The following SLC25A13 variants were observed in gnomAD, a reference collection of about 807,000 sequenced individuals.
SLC25A13 encodes the protein solute carrier family 25 member 13.
SLC25A13 carries 70 observed loss-of-function variants against 85.5 expected under a neutral mutation model. That is an observed-to-expected ratio of 0.82 (90% CI 0.68 to 1.00). SLC25A13 has a LOEUF of 1.00. Ranked by LOEUF, SLC25A13 falls within the 50% of genes least tolerant of loss-of-function variation. SLC25A13 has a pLI of 0.00. For synonymous variants in SLC25A13, 259 were observed against 288.7 expected (o/e 0.90, Z 1.04); for missense variants, 765 against 819.8 (o/e 0.93, Z 0.82).
intron 11 of SLC25A13, among the ~76,000 whole-genome samples, chr7:96,173,733 C>T (rs1274842260): frequency 1.3e-5 from 2 of 152,302 alleles, no homozygotes; most frequent in Admixed American, 6.5e-5. Flanking sequence ...CAGCCCTTCA[C>T]TAAGCAACTA....
intron 13 of SLC25A13, among the ~76,000 whole-genome samples, chr7:96,156,923 T>A (rs550110593): frequency 6.6e-6 from 1 of 152,312 alleles, no homozygotes; most frequent in African/African-American, 2.4e-5. Flanking sequence ...GCAAAATAAT[T>A]ATACTGATGT....
In SLC25A13 at chr7:96,239,210, T is replaced by C. The variant is rs565840773; in HGVS notation, c.213-4293A>G. 1.1e-3 allele frequency among the ~76,000 whole-genome samples: 162 copies of C among 149,768 alleles called. 1 individual carries two copies. The highest frequency in any genetic ancestry group is 6.0e-3 in the Admixed American group (90 of 15,006). ...GTAATCCTGTTAGATATGAGTATTA[T>C]ACATCTATGCAGGAGGTATATAGAT... is the stretch of plus-strand genomic sequence containing the variant. On this transcript the variant is annotated intron_variant, in intron 3 of 17. Transcript: ENST00000265631.
chr7:96,306,114 G>A (rs1183671777), intron 1 of SLC25A13, among the ~76,000 whole-genome samples: 2 of 152,216 alleles, frequency 1.3e-5, no homozygotes, highest in Non-Finnish European at 1.5e-5. Context: ...GAGGCACAGA[G>A]AGGTTGAGTA....
At chr7:96,204,268 T>C (rs897628642) in intron 5 of SLC25A13, among the ~76,000 whole-genome samples, 6 of 152,238 alleles carry the variant, frequency 3.9e-5, no homozygotes, top group Non-Finnish European at 8.8e-5. Flanking sequence ...TATTAGTTAT[T>C]GTAACTTTTT....
At chr7:96,126,114 C>T (rs1339920200) in intron 15 of SLC25A13, among the ~76,000 whole-genome samples, 2 of 152,008 alleles carry the variant, frequency 1.3e-5, no homozygotes, top group African/African-American at 2.4e-5. Flanking sequence ...TTGTGGGTGA[C>T]TTCTACCATA....
intron 3 of SLC25A13, among the ~76,000 whole-genome samples, chr7:96,236,343 ATAT>A (rs540323106): frequency 2.1e-3 from 317 of 152,140 alleles, no homozygotes; most frequent in African/African-American, 6.1e-3. Flanking sequence ...AGGGGGGCAA[ATAT>A]GAGTCAAGCA....
intron 2 of SLC25A13, among the ~76,000 whole-genome samples, chr7:96,292,350 T>C (rs1012160321): frequency 2.6e-5 from 4 of 152,138 alleles, no homozygotes; most frequent in African/African-American, 9.7e-5. Flanking sequence ...ACTGGAAGCA[T>C]TCCCTTTGAA....
At position 96,173,000 on chromosome 7, in the gene SLC25A13, C is replaced by T. The variant is rs370447963; in HGVS notation, c.1178-1476G>A. Among the ~76,000 whole-genome samples, 237 of 152,318 alleles carry T rather than the reference C, an allele frequency of 1.6e-3. 1 individual carries two copies. Among genetic ancestry groups the T allele is most frequent in the African/African-American group, 5.2e-3 (217 of 41,576 alleles). ...GTCTCCATCTCCTGACCTCATGATC[C>T]GCCTGCCTTGGCCTTCCAAAGTGTC... On this transcript the variant is annotated intron_variant, in intron 11 of 17. Coordinates refer to ENST00000265631, the MANE Select transcript of SLC25A13 (RefSeq NM_014251.3).
chr7:96,218,279 T>C (rs1795975508), intron 4 of SLC25A13, among the ~76,000 whole-genome samples: 1 of 152,176 alleles, frequency 6.6e-6, no homozygotes, highest in Non-Finnish European at 1.5e-5. Flanking sequence ...TATGCTAAAA[T>C]TTTGAATGAA....
At chr7:96,172,679 A>C (rs998063823) in intron 11 of SLC25A13, among the ~76,000 whole-genome samples, 7 of 152,088 alleles carry the variant, frequency 4.6e-5, no homozygotes, top group African/African-American at 1.7e-4. Context: ...CTATTGCATG[A>C]GGCTCCATCC....
intron 4 of SLC25A13, among the ~76,000 whole-genome samples, chr7:96,227,657 A>C (rs1183342793): frequency 6.6e-6 from 1 of 151,982 alleles, no homozygotes; most frequent in Admixed American, 6.6e-5. Flanking sequence ...AGTGCAATAA[A>C]GAAAAGAACC....
At chr7:96,259,791 C>T (rs76183784) in intron 3 of SLC25A13, among the ~76,000 whole-genome samples, 1 of 152,032 alleles carries the variant, frequency 6.6e-6, no homozygotes, top group Non-Finnish European at 1.5e-5. Context: ...CAATAGCAGA[C>T]TTGGAACCAA....
chr7:96,272,010 C>T (rs975204225), intron 3 of SLC25A13, among the ~76,000 whole-genome samples: 2 of 151,946 alleles, frequency 1.3e-5, no homozygotes, highest in South Asian at 2.1e-4. Context: ...CTCAGCCTCC[C>T]GAGTAGCTAG....
chr7:96,187,286 C>A (rs1031571575), intron 9 of SLC25A13, among the ~76,000 whole-genome samples: 2 of 152,174 alleles, frequency 1.3e-5, no homozygotes, highest in Non-Finnish European at 1.5e-5. Flanking sequence ...TAATCAGCAA[C>A]CCCAGCTATC....
intron 3 of SLC25A13, among the ~76,000 whole-genome samples, chr7:96,275,753 G>A (rs1406599637): frequency 2.6e-5 from 4 of 152,118 alleles, no homozygotes; most frequent in Non-Finnish European, 5.9e-5. Flanking sequence ...GGGGGAGTGG[G>A]GAGGGATAGC....
chr7:96,165,070 C>G (rs773684405), intron 13 of SLC25A13, among the ~76,000 whole-genome samples: 1 of 152,142 alleles, frequency 6.6e-6, no homozygotes, highest in South Asian at 2.1e-4. Flanking sequence ...TACAAAGAGT[C>G]TACAGGTTAC....
chr7:96,275,764 A>G (rs983504366), intron 3 of SLC25A13, among the ~76,000 whole-genome samples: 1 of 152,168 alleles, frequency 6.6e-6, no homozygotes, highest in Non-Finnish European at 1.5e-5. Flanking sequence ...GAGGGATAGC[A>G]TTAGGAGATA....
At chr7:96,124,670 T>G (rs1247431987) in intron 15 of SLC25A13, among the ~76,000 whole-genome samples, 3 of 152,232 alleles carry the variant, frequency 2.0e-5, no homozygotes, top group Non-Finnish European at 2.9e-5. Flanking sequence ...AAACTTCATA[T>G]GACTAGATTT....
rs952875775 is a variant in SLC25A13 at position 96,221,001 on chromosome 7, T to A, written c.329-12024A>T. Among the ~76,000 whole-genome samples the A allele has an allele frequency of 2.0e-5, 3 of 152,316 alleles. No individual in the cohort carries two copies. The South Asian group carries it at 6.2e-4, about 32-fold the overall frequency. ...CTTCTTTTCTCCCCCTCTCTATTTTTAAAATGGAGTGATGAAGTAGCAAAA... is the reference window on the plus strand; with the variant it reads ...CTTCTTTTCTCCCCCTCTCTATTTTAAAAATGGAGTGATGAAGTAGCAAAA... On this transcript the variant is annotated intron_variant, in intron 4 of 17. Transcript: ENST00000265631.
Sources: allele counts gnomAD v4.1 joint callset (sites outside exome capture counted in the v4.1 genomes callset), GRCh38; gene constraint gnomAD v4.1.1; transcripts MANE v1.5; gene names NCBI Gene and HGNC (gene_info 2026-07-23, HGNC 2026-07-21).